Variants in LRRTM4 observed in about 807,000 individuals in gnomAD.
LRRTM4 encodes leucine-rich repeat transmembrane neuronal protein 4.
LRRTM4 carries 25 observed loss-of-function variants against 47.6 expected under a neutral mutation model. That is an observed-to-expected ratio of 0.53 (90% CI 0.38 to 0.73). LRRTM4 has a LOEUF of 0.73. LRRTM4 is among the 30% of genes least tolerant of loss of function. LRRTM4 has a pLI of 0.00. For synonymous variants in LRRTM4, 311 were observed against 269.5 expected, an observed-to-expected ratio of 1.15 and a Z score of -1.51; for missense variants, 638 against 713.4, an observed-to-expected ratio of 0.89 and a Z score of 1.20.
chr2:76,795,350 AT>A (rs1243609397), intron 3 of LRRTM4, among the ~76,000 whole-genome samples: 10 of 152,144 alleles, frequency 6.6e-5, no homozygotes, highest in South Asian at 2.1e-4. Context: ...TGAGTTCTAT[AT>A]CCATGAATTT....
intron 3 of LRRTM4, among the ~76,000 whole-genome samples, chr2:76,797,549 T>C (rs939413685): frequency 2.0e-5 from 3 of 148,894 alleles, no homozygotes; most frequent in African/African-American, 7.4e-5. Flanking sequence ...AGGAAGAAAC[T>C]GCATCAACTA....
intron 3 of LRRTM4, chr2:77,517,669 G>A: frequency 1.2e-5 from 12 of 966,928 alleles, no homozygotes; most frequent in Non-Finnish European, 1.5e-5. Flanking sequence ...AAAGGAAGGA[G>A]TGAAAGAAAG....
intron 3 of LRRTM4, among the ~76,000 whole-genome samples, chr2:76,827,964 C>T (rs1012703206): frequency 1.3e-5 from 2 of 151,830 alleles, no homozygotes; most frequent in African/African-American, 4.8e-5. Context: ...TCAAAATACA[C>T]AAGAAAAGTC....
At chr2:76,958,441 C>T (rs1281502352) in intron 3 of LRRTM4, among the ~76,000 whole-genome samples, 2 of 151,796 alleles carry the variant, frequency 1.3e-5, no homozygotes, top group African/African-American at 2.4e-5. Flanking sequence ...AGAGGAGAAA[C>T]ACCTACGCTG....
At chr2:76,895,532 C>A (rs1673383780) in intron 3 of LRRTM4, among the ~76,000 whole-genome samples, 1 of 152,002 alleles carries the variant, frequency 6.6e-6, no homozygotes, top group South Asian at 2.1e-4. Context: ...CTCATCTCTC[C>A]CAGTTGTGGC....
At chr2:76,916,158 A>G (rs1674237191) in intron 3 of LRRTM4, among the ~76,000 whole-genome samples, 2 of 152,126 alleles carry the variant, frequency 1.3e-5, no homozygotes. Flanking sequence ...AAACTAAGAG[A>G]GAGATTGTAA....
intron 3 of LRRTM4, among the ~76,000 whole-genome samples, chr2:76,974,342 C>T (rs770765972): frequency 1.3e-5 from 2 of 149,416 alleles, no homozygotes; most frequent in Non-Finnish European, 3.0e-5. Flanking sequence ...TTGGCTTTAT[C>T]ACTCCTGAAA....
chr2:76,873,479 T>C (rs1248945406), intron 3 of LRRTM4, among the ~76,000 whole-genome samples: 1 of 138,342 alleles, frequency 7.2e-6, no homozygotes, highest in Non-Finnish European at 1.5e-5. Context: ...TGTGTATATA[T>C]ATATGTGTGT....
chr2:77,113,582 T>TGTA (rs768195446), intron 3 of LRRTM4, among the ~76,000 whole-genome samples: 11 of 152,010 alleles, frequency 7.2e-5, no homozygotes, highest in Non-Finnish European at 1.2e-4. Flanking sequence ...GAAAAGCATG[T>TGTA]GTAGATAAGG....
intron 3 of LRRTM4, among the ~76,000 whole-genome samples, chr2:76,869,577 C>G (rs1265217479): frequency 1.3e-5 from 2 of 151,784 alleles, no homozygotes; most frequent in Non-Finnish European, 2.9e-5. Flanking sequence ...AAAGTCAAAC[C>G]TTTAGGGGGA....
chr2:77,212,728 G>A (rs944148723), intron 3 of LRRTM4, among the ~76,000 whole-genome samples: 1 of 151,864 alleles, frequency 6.6e-6, no homozygotes, highest in Non-Finnish European at 1.5e-5. Context: ...TTTATACCAA[G>A]CTGTGTCTGA....
chr2:77,186,702 T>C (rs2103869121), intron 3 of LRRTM4, among the ~76,000 whole-genome samples: 1 of 152,326 alleles, frequency 6.6e-6, no homozygotes, highest in African/African-American at 2.4e-5. Context: ...CCCTGTGTGA[T>C]GCTTCTATGA....
intron 3 of LRRTM4, among the ~76,000 whole-genome samples, chr2:76,804,857 A>G (rs1320547951): frequency 6.6e-6 from 1 of 151,240 alleles, no homozygotes; most frequent in Non-Finnish European, 1.5e-5. Context: ...TTGATTTGTT[A>G]ATAGATTTTT....
chr2:76,788,499 G>A (rs184977721), intron 3 of LRRTM4, among the ~76,000 whole-genome samples: 1 of 152,170 alleles, frequency 6.6e-6, no homozygotes, highest in African/African-American at 2.4e-5. Context: ...AGAGTGTAAT[G>A]CTCTCTATTT....
intron 3 of LRRTM4, among the ~76,000 whole-genome samples, chr2:77,139,672 G>A (rs986600882): frequency 1.3e-5 from 2 of 152,138 alleles, no homozygotes; most frequent in African/African-American, 4.8e-5. Flanking sequence ...TAGGAAAAGA[G>A]GAAGTCAAAT....
intron 3 of LRRTM4, among the ~76,000 whole-genome samples, chr2:77,215,152 A>G (rs1334993640): frequency 6.6e-6 from 1 of 152,188 alleles, no homozygotes; most frequent in Non-Finnish European, 1.5e-5. Context: ...TCATTTAACA[A>G]TATGAGAACC....
intron 3 of LRRTM4, among the ~76,000 whole-genome samples, chr2:77,013,451 A>T (rs1357465733): frequency 2.6e-5 from 4 of 152,116 alleles, no homozygotes; most frequent in African/African-American, 9.7e-5. Context: ...ATTGGATGGA[A>T]AACTGGTAGT....
chr2:77,082,926 T>C (rs977877299), intron 3 of LRRTM4, among the ~76,000 whole-genome samples: 8 of 152,130 alleles, frequency 5.3e-5, no homozygotes, highest in African/African-American at 1.9e-4. Context: ...TTGTGCATCT[T>C]ATATTTAAAA....
At chr2:77,476,226 G>A (rs956693502) in intron 3 of LRRTM4, among the ~76,000 whole-genome samples, 21 of 151,934 alleles carry the variant, frequency 1.4e-4, no homozygotes. Context: ...CTTCTTAGTT[G>A]TCTTATAAGT....
Sources: allele counts gnomAD v4.1 joint callset (sites outside exome capture counted in the v4.1 genomes callset), GRCh38; gene constraint gnomAD v4.1.1; transcripts MANE v1.5; gene names NCBI Gene and HGNC (gene_info 2026-07-23, HGNC 2026-07-21).